The following ZNF518A variants were observed in gnomAD, a reference collection of about 807,000 sequenced individuals.
ZNF518A encodes the protein zinc finger protein 518A, also known as zinc finger protein 518.
A neutral mutation model predicts 102.7 loss-of-function variants in ZNF518A; 47 were observed. The ratio of observed to expected loss-of-function variants is 0.46; its 90% CI spans 0.36 to 0.58. The LOEUF (loss-of-function observed/expected upper bound fraction) is 0.58, where lower values mean the gene tolerates loss of function less well. Ranked by LOEUF, ZNF518A falls within the 20% of genes least tolerant of loss-of-function variation. ZNF518A has a pLI of 0.00. For synonymous variants in ZNF518A, 652 were observed against 594.6 expected (o/e 1.10, Z -1.40); for missense variants, 1,793 against 1,699.8 (o/e 1.05, Z -0.96).
In ZNF518A at chr10:96,130,422, A is replaced by G. The variant is rs1346748505; in HGVS notation, c.-783A>G. On this transcript the variant is annotated 5_prime_UTR_variant, in exon 1 of 6. Transcript: ENST00000316045. ...TACTTCCGGGCTTTTTGAACTCTAC[A>G]CTCTCCTACATTCTAGGAGCTGGGT... 6.6e-6 allele frequency among the ~76,000 whole-genome samples: 1 copy of G among 151,630 alleles called. No homozygotes were observed.
At chr10:96,132,340 C>T (rs782451677) in intron 1 of ZNF518A, among the ~76,000 whole-genome samples, 1 of 151,740 alleles carries the variant, frequency 6.6e-6, no homozygotes, top group Non-Finnish European at 1.5e-5. Context: ...GGGCAAGGCT[C>T]ATTTTCTTTT....
chr10:96,169,795 C>T (rs1173637235), intron 1 of ZNF518A, among the ~76,000 whole-genome samples: 3 of 152,178 alleles, frequency 2.0e-5, no homozygotes, highest in Non-Finnish European at 4.4e-5. Context: ...AGATTCTCCC[C>T]TCCAACCTCT....
chr10:96,187,970 TGAG>T, intron 1 of ZNF518A, among the ~76,000 whole-genome samples: 1 of 152,326 alleles, frequency 6.6e-6, no homozygotes, highest in Non-Finnish European at 1.5e-5. Flanking sequence ...CTCAGCCTCC[TGAG>T]TAGTAGCTGA....
chr10:96,201,033 A>T, intron 1 of ZNF518A: 1 of 1,614,152 alleles, frequency 6.2e-7, no homozygotes, highest in South Asian at 1.1e-5. Flanking sequence ...GCCCATCCAC[A>T]GTTGGGTTTC....
In ZNF518A at chr10:96,130,491, C is replaced by T. The variant is rs931722337; in HGVS notation, c.-714C>T. Among the ~76,000 whole-genome samples the T allele has an allele frequency of 6.6e-6, 1 of 152,232 alleles. No individual in the cohort carries two copies. Among genetic ancestry groups the T allele is most frequent in the Non-Finnish European group, 1.5e-5 (1 of 68,034 alleles). ...GCCTCCGCGCTCCCCGCGGGGCAGCCGAACCCCGGAGGAAGGGGCGGATCG... is the reference window on the plus strand; with the variant it reads ...GCCTCCGCGCTCCCCGCGGGGCAGCTGAACCCCGGAGGAAGGGGCGGATCG... On this transcript the variant is annotated 5_prime_UTR_variant, in exon 1 of 6. Transcript: ENST00000316045.
Position 96,157,287 on chromosome 10 carries a change from C to T in ZNF518A, c.965C>T (p.Ala322Val), listed in dbSNP as rs1554883236. The change falls in exon 6 of 6, where the codon GCA becomes GTA. Residue 322 changes from alanine to valine, a missense_variant. This residue lies in a region of ZNF518A where 1,741 missense variants were observed against 1,622.6 expected (regional missense o/e 1.07). Transcript: ENST00000316045. The stretch of plus-strand genomic sequence containing the variant: ...ATACTGAAAAGATATAAAATAGGTG[C>T]ATCAAGGAAGACGTTCTGGAAACGT... ...KLILKRYKIGASRKTFWKRKK... is the reference protein window; with the variant it reads ...KLILKRYKIGVSRKTFWKRKK... 6.2e-7 allele frequency: 1 copy of T among 1,612,264 alleles called. No individual in the cohort carries two copies. Among genetic ancestry groups the T allele is most frequent in the Admixed American group, 1.7e-5 (1 of 59,624 alleles).
chr10:96,188,458 G>A (rs1426570283), intron 1 of ZNF518A, among the ~76,000 whole-genome samples: 1 of 152,230 alleles, frequency 6.6e-6, no homozygotes, highest in Admixed American at 6.5e-5. Context: ...TGGAGGAGGA[G>A]AGGAAGAATG....
chr10:96,204,801 C>G, downstream of ZNF518A: 1 of 605,560 alleles, frequency 1.7e-6, no homozygotes, highest in Non-Finnish European at 3.0e-6. Context: ...CTATGAGGAC[C>G]AGGACTCCCT....
chr10:96,178,033 T>G (rs2083216384), intron 1 of ZNF518A, among the ~76,000 whole-genome samples: 1 of 152,100 alleles, frequency 6.6e-6, no homozygotes. Flanking sequence ...AGTTAGCTAT[T>G]CCAATACTCC....
At chr10:96,166,153 C>T (rs146431345), downstream of ZNF518A, among the ~76,000 whole-genome samples, 16 of 152,252 alleles carry the variant, frequency 1.1e-4, no homozygotes, top group African/African-American at 3.6e-4. Context: ...AGAGAATTAG[C>T]TTTTTCTCTT....
intron 1 of ZNF518A, among the ~76,000 whole-genome samples, chr10:96,178,340 C>T (rs2083218017): frequency 6.6e-6 from 1 of 152,010 alleles, no homozygotes; most frequent in African/African-American, 2.4e-5. Flanking sequence ...TTAAACAGCC[C>T]TTTTATGATT....
At position 96,156,690 on chromosome 10, in the gene ZNF518A, A is replaced by G. The variant is rs151214009; in HGVS notation, c.368A>G (p.Lys123Arg). ...AAAATACTCAATTTCAGCTGTTTAA[A>G]ATGCCGAGACAACACTCGATATAGC... ...SAKILNFSCLKCRDNTRYSPN... is the reference protein window; with the variant it reads ...SAKILNFSCLRCRDNTRYSPN... Residue 123 changes from lysine to arginine, a missense_variant, in exon 6 of 6, where the codon AAA (lysine) becomes AGA (arginine). Physicochemically the swap from Lys to Arg is conservative, Grantham distance 26. Coordinates refer to ENST00000316045, the MANE Select transcript of ZNF518A (RefSeq NM_001330736.2). 1.2e-6 allele frequency: 2 copies of G among 1,613,758 alleles called. No homozygotes were observed. The highest frequency in any genetic ancestry group is 4.5e-5 in the East Asian group (2 of 44,868).
At chr10:96,189,790 G>A in intron 1 of ZNF518A, 3 of 916,460 alleles carry the variant, frequency 3.3e-6, no homozygotes, top group African/African-American at 1.6e-5. Context: ...CACCTCCAGG[G>A]ACAGATCACT....
In ZNF518A at chr10:96,157,258, G is replaced by A. The variant is rs1554883180; in HGVS notation, c.936G>A (p.Lys312=). 5.0e-6 allele frequency: 8 copies of A among 1,611,364 alleles called. No individual in the cohort carries two copies. In the Admixed American group the frequency reaches 5.0e-5, roughly 10 times the overall value. ...TGGCAAAGACTTCTGCAGGACTTAA[G>A]CTAATACTGAAAAGATATAAAATAG... The part of the protein sequence containing the change: ...KRMAKTSAGL[K]LILKRYKIGA... Residue 312 remains lysine, a synonymous_variant, in exon 6 of 6, where the codon AAG becomes AAA. Transcript: ENST00000316045.
chr10:96,160,152 G>A lies in ZNF518A; in HGVS notation c.3830G>A (p.Cys1277Tyr). ...ETAFVSRNRN[C>Y]KRKCRDSYQE... ...GCCTTTGTATCTAGAAACAGAAACT[G>A]TAAACGAAAGTGTAGGGATAGTTAC... Residue 1277 changes from cysteine (C) to tyrosine (Y), a missense_variant, in exon 6 of 6, where the codon TGT (cysteine) becomes TAT (tyrosine). Cys to Tyr is a radical substitution (Grantham distance 194). This residue lies in a region of ZNF518A where 1,741 missense variants were observed against 1,622.6 expected (regional missense o/e 1.07). Coordinates refer to ENST00000316045, the MANE Select transcript of ZNF518A (RefSeq NM_001330736.2). 1 of 1,609,484 alleles carries A rather than the reference G, an allele frequency of 6.2e-7. No homozygotes were observed. Among genetic ancestry groups the A allele is most frequent in the South Asian group, 1.1e-5 (1 of 90,256 alleles).
At chr10:96,132,025 T>C (rs1414028798) in intron 1 of ZNF518A, among the ~76,000 whole-genome samples, 1 of 151,888 alleles carries the variant, frequency 6.6e-6, no homozygotes, top group Non-Finnish European at 1.5e-5. Flanking sequence ...TTTTTTTTTT[T>C]CTTTAAATGA....
rs587608797 is a variant in ZNF518A at position 96,186,554 on chromosome 10, T to C, written n.36-17020T>C. 1.2e-3 allele frequency among the ~76,000 whole-genome samples: 183 copies of C among 152,228 alleles called. 1 individual carries two copies. Among genetic ancestry groups the C allele is most frequent in the African/African-American group, 4.1e-3 (172 of 41,546 alleles). ...CTGGGACTACAGGTATGTACCACCATGCCCAGCTAATTTTTGTATTTGTAG... is the reference window on the plus strand; with the variant it reads ...CTGGGACTACAGGTATGTACCACCACGCCCAGCTAATTTTTGTATTTGTAG... On this transcript the variant is annotated intron_variant and non_coding_transcript_variant, in intron 1 of 2. Coordinates refer to the ZNF518A transcript ENST00000442635.
At chr10:96,165,770 G>A (rs1442502362), downstream of ZNF518A, among the ~76,000 whole-genome samples, 1 of 152,138 alleles carries the variant, frequency 6.6e-6, no homozygotes, top group East Asian at 1.9e-4. Context: ...TTCAAAAACT[G>A]ACAACACATT....
chr10:96,159,879 A>T lies in ZNF518A; in HGVS notation c.3557A>T (p.Glu1186Val). Residue 1186 changes from glutamate (E) to valine (V), a missense_variant, in exon 6 of 6, where the codon GAG becomes GTG. Physicochemically the swap from Glu to Val is moderately radical, Grantham distance 121. Around this residue, in one of 3 missense-constraint regions of ZNF518A, gnomAD observed 1,741 missense variants for 1,622.6 expected, o/e 1.07. Coordinates refer to ENST00000316045, the MANE Select transcript of ZNF518A (RefSeq NM_001330736.2). ...SNQIIGGEQK[E>V]PESRDALPFL... is the part of the protein sequence containing the mutation. Reference sequence around the variant, plus strand: ...CAGATTATAGGAGGAGAGCAGAAAGAGCCAGAATCTAGAGATGCCTTACCC... The same window carrying T: ...CAGATTATAGGAGGAGAGCAGAAAGTGCCAGAATCTAGAGATGCCTTACCC... The T allele has an allele frequency of 6.2e-7, 1 of 1,613,598 alleles. No homozygotes were observed. The highest frequency in any genetic ancestry group is 8.5e-7 in the Non-Finnish European group (1 of 1,179,740).
Sources: gnomAD v4.1 joint callset for allele counts (sites outside exome capture counted in the v4.1 genomes callset) on GRCh38, gnomAD v4.1.1 for gene constraint, gnomAD v4.1.1 regional missense constraint, MANE v1.5 for transcripts, NCBI Gene and HGNC (gene_info 2026-07-23, HGNC 2026-07-21) for gene names.